The following MCPH1 variants were observed in gnomAD, a reference collection of about 807,000 sequenced individuals.
MCPH1 encodes microcephalin.
In MCPH1, 104 loss-of-function variants were observed where a neutral mutation model predicts 84.5. The observed-to-expected ratio is 1.23, with a 90% CI of 1.05 to 1.45. The LOEUF (loss-of-function observed/expected upper bound fraction) is 1.45. Among genes scored for constraint, MCPH1 ranks in the 40% most tolerant of loss-of-function variants. The probability of loss-of-function intolerance (pLI) is 0.00; values close to 1 mark genes in which losing one functional copy is unlikely to be tolerated. For missense variants in MCPH1, 1,498 were observed against 1,005.7 expected (o/e 1.49, Z -6.62); for synonymous variants, 514 against 366.8 (o/e 1.40, Z -4.58).
intron 12 of MCPH1, among the ~76,000 whole-genome samples, chr8:6,515,350 C>G (rs1816047676): frequency 6.6e-6 from 1 of 152,136 alleles, no homozygotes; most frequent in African/African-American, 2.4e-5. Flanking sequence ...TGGTTCACAT[C>G]TGAGCACAAG....
At chr8:6,490,552 G>A (rs1459166033) in intron 11 of MCPH1, among the ~76,000 whole-genome samples, 2 of 152,162 alleles carry the variant, frequency 1.3e-5, no homozygotes, top group Admixed American at 6.5e-5. Context: ...GAGAGCTGAT[G>A]TAAGAAATAC....
At chr8:6,489,688 G>A (rs968274367) in intron 11 of MCPH1, among the ~76,000 whole-genome samples, 15 of 152,134 alleles carry the variant, frequency 9.9e-5, no homozygotes, top group Admixed American at 9.8e-4. Context: ...AGATTGGTTG[G>A]CAGCGAATGG....
intron 13 of MCPH1, among the ~76,000 whole-genome samples, chr8:6,623,868 G>A (rs1291704820): frequency 2.0e-5 from 3 of 152,216 alleles, no homozygotes; most frequent in Non-Finnish European, 2.9e-5. Context: ...GCCACGGACT[G>A]CAGAACAGAA....
intron 11 of MCPH1, among the ~76,000 whole-genome samples, chr8:6,498,569 T>C (rs1375367852): frequency 6.6e-6 from 1 of 152,228 alleles, no homozygotes; most frequent in African/African-American, 2.4e-5. Context: ...CTCCATGAGA[T>C]TGTTTAAATT....
At chr8:6,568,699 C>A (rs1305165618) in intron 12 of MCPH1, among the ~76,000 whole-genome samples, 1 of 152,224 alleles carries the variant, frequency 6.6e-6, no homozygotes, top group Admixed American at 6.5e-5. Context: ...TGCATTTATA[C>A]GGCATTTTGT....
intron 12 of MCPH1, among the ~76,000 whole-genome samples, chr8:6,559,993 C>G (rs902417590): frequency 1.3e-5 from 2 of 152,204 alleles, no homozygotes; most frequent in African/African-American, 4.8e-5. Flanking sequence ...AGCGTGGGAC[C>G]TTTTGATGAT....
intron 9 of MCPH1, among the ~76,000 whole-genome samples, chr8:6,456,157 G>A (rs116267771): frequency 1.4e-4 from 21 of 152,004 alleles, no homozygotes; most frequent in African/African-American, 4.6e-4. Context: ...GGTTTGTCTC[G>A]GAAAAAAAAG....
chr8:6,424,227 G>T (rs575258355), intron 3 of MCPH1, among the ~76,000 whole-genome samples: 1 of 152,258 alleles, frequency 6.6e-6, no homozygotes, highest in Non-Finnish European at 1.5e-5. Context: ...TTGAAATAAA[G>T]GTCAGCTTGG....
chr8:6,426,627 G>A (rs1801100592), intron 3 of MCPH1, among the ~76,000 whole-genome samples: 1 of 152,196 alleles, frequency 6.6e-6, no homozygotes, highest in Non-Finnish European at 1.5e-5. Flanking sequence ...TATGAATAAA[G>A]TTACAATGGA....
chr8:6,553,087 A>G (rs547865929), intron 12 of MCPH1, among the ~76,000 whole-genome samples: 3 of 152,224 alleles, frequency 2.0e-5, no homozygotes, highest in African/African-American at 7.2e-5. Flanking sequence ...CCAGATGTCA[A>G]CTGCGGGCTC....
chr8:6,503,323 C>T (rs1437929831), intron 12 of MCPH1: 6 of 1,567,694 alleles, frequency 3.8e-6, no homozygotes, highest in African/African-American at 2.7e-5. Context: ...ACCACGAAGA[C>T]AGCAATACTC....
chr8:6,478,428 G>A (rs745935486), intron 10 of MCPH1, among the ~76,000 whole-genome samples: 5 of 152,140 alleles, frequency 3.3e-5, no homozygotes, highest in Non-Finnish European at 7.4e-5. Flanking sequence ...TTGAATATAT[G>A]TGTAATATTT....
chr8:6,433,644 AAAAAAAAAAAAC>A (rs1418093660), intron 4 of MCPH1, among the ~76,000 whole-genome samples: 2 of 151,644 alleles, frequency 1.3e-5, no homozygotes, highest in African/African-American at 4.9e-5. Context: ...AAAAAAAAAA[AAAAAAAAAAAAC>A]CTATTTCGTG....
chr8:6,445,792 C>T, intron 8 of MCPH1: 1 of 1,284,246 alleles, frequency 7.8e-7, no homozygotes, highest in Admixed American at 3.7e-5. Flanking sequence ...ACTTTTCCTT[C>T]TTATAGGTCA....
intron 12 of MCPH1, among the ~76,000 whole-genome samples, chr8:6,585,528 T>C (rs962013045): frequency 2.0e-4 from 31 of 152,242 alleles, no homozygotes; most frequent in African/African-American, 7.0e-4. Flanking sequence ...CTGGCAGGCT[T>C]CTCCAGCCCT....
At chr8:6,513,317 TTTTTTCTTTTTC>T (rs1375309641) in intron 12 of MCPH1, among the ~76,000 whole-genome samples, 1 of 151,998 alleles carries the variant, frequency 6.6e-6, no homozygotes, top group Non-Finnish European at 1.5e-5. Context: ...TTTTAATTTT[TTTTTTCTTTTTC>T]TTTTTCTTTT....
At chr8:6,638,088 G>C (rs895819631) in intron 13 of MCPH1, among the ~76,000 whole-genome samples, 1 of 152,042 alleles carries the variant, frequency 6.6e-6, no homozygotes, top group Non-Finnish European at 1.5e-5. Flanking sequence ...CTGTGTGAAA[G>C]AGGACACATG....
In MCPH1 at chr8:6,423,617, G is replaced by A. The variant is rs117033241; in HGVS notation, c.234-7882G>A. Among the ~76,000 whole-genome samples the A allele has an allele frequency of 1.2e-3, 188 of 152,162 alleles. 3 individuals carry two copies. The East Asian group carries it at 0.03, about 24-fold the overall frequency. ...GGTGATTGAAGTTTTTCATTTCTTA[G>A]TTATTTTTTTCAATTAGAAATATTA... On this transcript the variant is annotated intron_variant, in intron 3 of 13. Transcript: ENST00000344683.
chr8:6,559,441 TAAAG>T (rs1166898470), intron 12 of MCPH1, among the ~76,000 whole-genome samples: 1 of 152,168 alleles, frequency 6.6e-6, no homozygotes, highest in Non-Finnish European at 1.5e-5. Flanking sequence ...TTATTACTTT[TAAAG>T]AAAGAAAAGG....
Sources: allele counts gnomAD v4.1 joint callset (sites outside exome capture counted in the v4.1 genomes callset), GRCh38; gene constraint gnomAD v4.1.1; transcripts MANE v1.5; gene names NCBI Gene and HGNC (gene_info 2026-07-23, HGNC 2026-07-21).